The following ALS2 variants were observed in gnomAD, a reference collection of about 807,000 sequenced individuals.
The protein encoded by ALS2 is alsin Rho guanine nucleotide exchange factor ALS2, also known as alsin.
Under a neutral mutation model 203.4 loss-of-function variants are expected in ALS2, and 117 were observed. The ratio of observed to expected loss-of-function variants is 0.58; its 90% CI spans 0.50 to 0.67. The LOEUF is 0.67. ALS2 is among the 30% of genes least tolerant of loss of function. ALS2 has a pLI of 0.00. For missense variants in ALS2, 1,715 were observed against 1,989.4 expected, an observed-to-expected ratio of 0.86 and a Z score of 2.62; for synonymous variants, 718 against 725.9, an observed-to-expected ratio of 0.99 and a Z score of 0.17.
In ALS2 at chr2:201,705,470, G is replaced by C; in HGVS notation, c.4581-9C>G. 3 of 1,605,468 alleles carry C rather than the reference G, an allele frequency of 1.9e-6. No individual in the cohort carries two copies. The highest frequency in any genetic ancestry group is 2.6e-6 in the Non-Finnish European group (3 of 1,172,426). ...TTGCTGGCCAAAATTTCCTATAATG[G>C]AATCCATAAATTATTAATATAAGTT... On this transcript the variant is annotated splice_polypyrimidine_tract_variant and intron_variant, in intron 29 of 33. Coordinates refer to ENST00000264276, the MANE Select transcript of ALS2 (RefSeq NM_020919.4).
chr2:201,713,802 G>A (rs1690193961), intron 25 of ALS2, among the ~76,000 whole-genome samples: 1 of 152,156 alleles, frequency 6.6e-6, no homozygotes, highest in Non-Finnish European at 1.5e-5. Context: ...TATGTCATCT[G>A]TTGATATTTA....
At chr2:201,709,851 C>A (rs374574023) in intron 27 of ALS2, 30 bp downstream of exon 27, 279 of 1,613,266 alleles carry the variant, frequency 1.7e-4, no homozygotes, top group Non-Finnish European at 2.3e-4. Flanking sequence ...TATTCCATAG[C>A]CCGCAGACTT....
In ALS2 at chr2:201,744,471, T is replaced by C. The variant is rs564429912; in HGVS notation, c.1999-42A>G. The C allele has an allele frequency of 1.3e-5, 21 of 1,561,482 alleles. 1 individual carries two copies. The South Asian group carries it at 2.0e-4, about 15-fold the overall frequency. On this transcript the variant is annotated intron_variant, in intron 9 of 33. Coordinates refer to ENST00000264276, the MANE Select transcript of ALS2 (RefSeq NM_020919.4). ...CAAAAGGATTAAATATAACATATAA[T>C]TATGTTACTAATTTGGTATACTGAA...
chr2:201,748,821 T>TA (rs1223392126), intron 8 of ALS2, among the ~76,000 whole-genome samples: 1 of 152,246 alleles, frequency 6.6e-6, no homozygotes, highest in African/African-American at 2.4e-5. Flanking sequence ...GTAAAAATCT[T>TA]AAATAGTGAC....
rs41308838 is a variant in ALS2 at position 201,726,892 on chromosome 2, A to T, written c.2980-26T>A. 5,970 of 1,591,554 alleles carry T rather than the reference A, an allele frequency of 3.8e-3. 182 individuals are homozygous for T. The African/African-American group carries it at 0.066, about 17-fold the overall frequency. On this transcript the variant is annotated intron_variant, in intron 17 of 33. Coordinates refer to ENST00000264276, the MANE Select transcript of ALS2 (RefSeq NM_020919.4). The stretch of plus-strand genomic sequence containing the variant: ...CTAGGAGCAAAAAGTAACGTCAATA[A>T]GTTTAAGGCAACAATTCATCAAGCA...
At position 201,761,691 on chromosome 2, in the gene ALS2, G is replaced by T; in HGVS notation, c.303C>A (p.Phe101Leu). The T allele has an allele frequency of 6.2e-7, 1 of 1,614,136 alleles. No individual in the cohort carries two copies. Among genetic ancestry groups the T allele is most frequent in the South Asian group, 1.1e-5 (1 of 91,086 alleles). Residue 101 changes from phenylalanine (F) to leucine (L), a missense_variant, in exon 4 of 34, where the codon TTC becomes TTA. Coordinates refer to ENST00000264276, the MANE Select transcript of ALS2 (RefSeq NM_020919.4). ...CATTGTCTGTCACTGCTCCACTATG[G>T]AAGCTTCCTGTTGCCACAGTAATAA... ...QYVITVATGS[F>L]HSGAVTDNGV...
At chr2:201,731,624 CAT>C (rs1236481806) in intron 13 of ALS2, among the ~76,000 whole-genome samples, 2 of 152,040 alleles carry the variant, frequency 1.3e-5, no homozygotes, top group Non-Finnish European at 2.9e-5. Context: ...TAAAAAAATA[CAT>C]ATATGTGTAC....
Position 201,728,930 on chromosome 2 carries a change from T to C in ALS2, c.2712+122A>G, listed in dbSNP as rs1430085305. On this transcript the variant is annotated intron_variant, in intron 14 of 33. Coordinates refer to ENST00000264276, the MANE Select transcript of ALS2 (RefSeq NM_020919.4). ...CCATTAGTATGGTCCTTAGACATTT[T>C]AGGAAAGGGGTCATTAAAAGGTTAT... 5.4e-6 allele frequency: 8 copies of C among 1,478,066 alleles called. No individual in the cohort carries two copies. The African/African-American group carries it at 8.3e-5, about 15-fold the overall frequency. 91.6% of individuals were successfully genotyped at this position (1,478,066 alleles called of 1,614,324 possible).
In ALS2 at chr2:201,713,703, C is replaced by G. The variant is rs575186268; in HGVS notation, c.4004+1969G>C. On this transcript the variant is annotated intron_variant, in intron 25 of 33. Transcript: ENST00000264276. Reference sequence around the variant, plus strand: ...CTGTTTCTTTGCTGATACATTTGTTCTAATATTTATTTCAAGGGTGTTTGT... The same window carrying G: ...CTGTTTCTTTGCTGATACATTTGTTGTAATATTTATTTCAAGGGTGTTTGT... Among the ~76,000 whole-genome samples the G allele has an allele frequency of 2.6e-5, 4 of 152,098 alleles. No individual in the cohort carries two copies. The East Asian group carries it at 7.7e-4, about 29-fold the overall frequency.
At chr2:201,747,002 C>T (rs1278872334) in intron 8 of ALS2, among the ~76,000 whole-genome samples, 1 of 152,042 alleles carries the variant, frequency 6.6e-6, no homozygotes, top group African/African-American at 2.4e-5. Flanking sequence ...AAAGGAAAAA[C>T]CACACATCTA....
chr2:201,716,518 T>C (rs1373796516), intron 24 of ALS2: 1 of 125,758 alleles, frequency 8.0e-6, no homozygotes, highest in Non-Finnish European at 1.6e-5. Flanking sequence ...CACTCCAGCC[T>C]AGCGACAGAG....
chr2:201,767,479 A>G, intron 2 of ALS2, 96 bp from the exon 3 acceptor site: 1 of 1,374,948 alleles, frequency 7.3e-7, no homozygotes, highest in South Asian at 1.2e-5. Context: ...TTACCAGCAC[A>G]TGGATGACTA....
At chr2:201,746,825 G>C (rs994119901) in intron 8 of ALS2, 77 bp from the exon 9 acceptor site, 1 of 1,539,898 alleles carries the variant, frequency 6.5e-7, no homozygotes, top group African/African-American at 1.4e-5. Flanking sequence ...GAACTGAAAC[G>C]TTAGGTTGCT....
At chr2:201,754,891 T>TCA (rs557410701) in intron 5 of ALS2, among the ~76,000 whole-genome samples, 1 of 152,146 alleles carries the variant, frequency 6.6e-6, no homozygotes, top group Non-Finnish European at 1.5e-5. Context: ...CTGCAGAGAT[T>TCA]CACACACACA....
intron 7 of ALS2, among the ~76,000 whole-genome samples, chr2:201,752,719 G>C (rs555640403): frequency 3.3e-5 from 5 of 152,174 alleles, no homozygotes; most frequent in African/African-American, 7.2e-5. Flanking sequence ...ACATGGGTAT[G>C]GTTTTTAGTA....
chr2:201,754,033 AAG>A (rs1693232780), intron 6 of ALS2, among the ~76,000 whole-genome samples: 1 of 148,008 alleles, frequency 6.8e-6, no homozygotes, highest in Non-Finnish European at 1.5e-5. Flanking sequence ...TTTTTGAGAT[AAG>A]AGTTTCATTC....
rs79771489 is a variant in ALS2 at position 201,731,677 on chromosome 2, A to G, written c.2580+1599T>C. On this transcript the variant is annotated intron_variant, in intron 13 of 33. Coordinates refer to ENST00000264276, the MANE Select transcript of ALS2 (RefSeq NM_020919.4). ...CAAGGCTGTGCCTTAGACTTACTAA[A>G]TTATAACGTATAGTGATGGAATACA... is the stretch of plus-strand genomic sequence containing the variant. 1.8e-3 allele frequency among the ~76,000 whole-genome samples: 265 copies of G among 150,386 alleles called. 3 individuals are homozygous for G. In the East Asian group the frequency reaches 0.037, roughly 21 times the overall value.
Position 201,700,370 on chromosome 2 carries a change from G to T in ALS2, c.*1481C>A, listed in dbSNP as rs1158470945. On this transcript the variant is annotated 3_prime_UTR_variant, in exon 34 of 34. Transcript: ENST00000264276. ...GTTAATTTGCTCTTTGCTAGAAAGG[G>T]TGCTATAACTATTGGTTTACGTTTA... Among the ~76,000 whole-genome samples, 1 of 152,190 alleles carries T rather than the reference G, an allele frequency of 6.6e-6. No homozygotes were observed. The highest frequency in any genetic ancestry group is 2.4e-5 in the African/African-American group (1 of 41,448).
intron 1 of ALS2, among the ~76,000 whole-genome samples, chr2:201,778,819 G>A (rs569099868): frequency 1.2e-4 from 19 of 152,286 alleles, no homozygotes; most frequent in South Asian, 1.2e-3. Flanking sequence ...AATCCTCACA[G>A]CATGCCTCTG....
Sources: gnomAD v4.1 joint callset for allele counts (sites outside exome capture counted in the v4.1 genomes callset) on GRCh38, gnomAD v4.1.1 for gene constraint, MANE v1.5 for transcripts, NCBI Gene and HGNC (gene_info 2026-07-23, HGNC 2026-07-21) for gene names.